The following EML5 variants were observed in gnomAD, a reference collection of about 807,000 sequenced individuals.
EML5 encodes echinoderm microtubule-associated protein-like 5.
Under a neutral mutation model 250.0 loss-of-function variants are expected in EML5, and 120 were observed. The ratio of observed to expected loss-of-function variants is 0.48; its 90% CI spans 0.41 to 0.56. EML5 has a LOEUF of 0.56. Among genes scored for constraint, EML5 ranks in the 20% least tolerant of loss-of-function variants. EML5 has a pLI of 0.00. For synonymous variants in EML5, 771 were observed against 806.5 expected, an observed-to-expected ratio of 0.96 and a Z score of 0.75; for missense variants, 2,006 against 2,437.6, an observed-to-expected ratio of 0.82 and a Z score of 3.73.
chr14:88,750,808 T>C (rs2094082137), intron 2 of EML5, among the ~76,000 whole-genome samples: 1 of 152,174 alleles, frequency 6.6e-6, no homozygotes, highest in South Asian at 2.1e-4. Context: ...TATTTACTAT[T>C]TGGGAACCAA....
rs528715332 is a variant in EML5 at position 88,620,507 on chromosome 14, G to A, written c.5375+247C>T. ...GGATGAACTTAATGGACATGGCTAA[G>A]TGTTAACATGAATTCATCAAACATT... is the stretch of plus-strand genomic sequence containing the variant. On this transcript the variant is annotated intron_variant, in intron 39 of 43. Coordinates refer to ENST00000554922, the MANE Select transcript of EML5 (RefSeq NM_183387.3). The surrounding 1 kb of genome is among the most constrained non-coding windows in gnomAD (Gnocchi z 4.3). 27 of 339,958 alleles carry A rather than the reference G, an allele frequency of 7.9e-5. No homozygotes were observed. The highest frequency in any genetic ancestry group is 1.2e-4 in the Non-Finnish European group (22 of 190,490). 21.1% of individuals were successfully genotyped at this position (339,958 alleles called of 1,614,324 possible).
At chr14:88,744,123 C>T in intron 3 of EML5, 32 bp from the exon 4 acceptor site, 1 of 1,449,818 alleles carries the variant, frequency 6.9e-7, no homozygotes, top group Non-Finnish European at 9.3e-7. Flanking sequence ...GATTAAAATA[C>T]TTATTTCCAG....
At chr14:88,725,884 G>A (rs2140075786) in intron 8 of EML5, among the ~76,000 whole-genome samples, 1 of 152,238 alleles carries the variant, frequency 6.6e-6, no homozygotes, top group East Asian at 1.9e-4. Context: ...ACTACACAGG[G>A]GAGGCAAAAG....
intron 22 of EML5, among the ~76,000 whole-genome samples, 180 bp downstream of exon 22, chr14:88,665,157 C>T (rs527414870): frequency 9.2e-5 from 14 of 152,242 alleles, no homozygotes; most frequent in Admixed American, 7.2e-4. Flanking sequence ...ACAGAATTGG[C>T]GCTAAGACAG....
In EML5 at chr14:88,613,294, AATTTAAGGC is replaced by A. The variant is rs2087108446; in HGVS notation, c.*2515_*2523del. The stretch of plus-strand genomic sequence containing the variant: ...TTCATTCTAAAGGTTTACTCCATTG[AATTTAAGGC>A]ATTTGTTCATTCCAGTGTTGAGATG... On this transcript the variant is annotated 3_prime_UTR_variant, in exon 44 of 44. Transcript: ENST00000554922. 6.6e-6 allele frequency: 1 copy of A among 152,150 alleles called. No individual in the cohort carries two copies. Among genetic ancestry groups the A allele is most frequent in the Non-Finnish European group, 1.5e-5 (1 of 68,030 alleles). The allele number at this position is 152,150 out of a possible 1,614,324, so 9.4% of individuals were successfully genotyped here. A position where few individuals can be genotyped will look rare whatever the true frequency, so the allele number is the denominator to read the frequency against.
chr14:88,700,552 G>A (rs1029794724), intron 14 of EML5, among the ~76,000 whole-genome samples: 5 of 152,050 alleles, frequency 3.3e-5, no homozygotes, highest in African/African-American at 4.8e-5. Flanking sequence ...TCTAGTCTCA[G>A]GGATTCCCAA....
chr14:88,700,968 C>T (rs1172726453), intron 14 of EML5, among the ~76,000 whole-genome samples: 3 of 151,090 alleles, frequency 2.0e-5, no homozygotes, highest in African/African-American at 4.9e-5. Flanking sequence ...TTTTTTTTGC[C>T]CTACTTTTAC....
Position 88,613,547 on chromosome 14 carries a change from T to C in EML5, c.*2271A>G, listed in dbSNP as rs548763517. 8 of 152,226 alleles carry C rather than the reference T, an allele frequency of 5.3e-5. 1 individual carries two copies. The highest frequency in any genetic ancestry group is 1.9e-4 in the African/African-American group (8 of 41,550). The allele number at this position is 152,226 out of a possible 1,614,324, so 9.4% of individuals were successfully genotyped here. On this transcript the variant is annotated 3_prime_UTR_variant, in exon 44 of 44. Coordinates refer to ENST00000554922, the MANE Select transcript of EML5 (RefSeq NM_183387.3). Reference sequence around the variant, plus strand: ...ATTTAATAGCCACTGCCCAGACACATATTTAAGAGTTTAATCTTTCAGTTG... The same window carrying C: ...ATTTAATAGCCACTGCCCAGACACACATTTAAGAGTTTAATCTTTCAGTTG...
chr14:88,723,895 T>A (rs1317371163), intron 8 of EML5, among the ~76,000 whole-genome samples: 1 of 152,162 alleles, frequency 6.6e-6, no homozygotes, highest in African/African-American at 2.4e-5. Flanking sequence ...TATATACTAA[T>A]TTAAGAATCA....
At chr14:88,657,931 T>C (rs771302758) in intron 26 of EML5, among the ~76,000 whole-genome samples, 2 of 152,172 alleles carry the variant, frequency 1.3e-5, no homozygotes, top group Non-Finnish European at 2.9e-5. Flanking sequence ...TGAGGTTTAA[T>C]AATATAAAAT....
chr14:88,783,801 G>A (rs1157165528), intron 1 of EML5, among the ~76,000 whole-genome samples: 1 of 152,110 alleles, frequency 6.6e-6, no homozygotes, highest in Non-Finnish European at 1.5e-5. Context: ...GTGCACTATA[G>A]ACCAAATGGA....
At chr14:88,650,005 CAGA>C (rs1389254333) in intron 27 of EML5, 79 bp from the exon 28 acceptor site, 5 of 1,026,184 alleles carry the variant, frequency 4.9e-6, no homozygotes, top group Non-Finnish European at 6.7e-6. Context: ...TTTTAGCAAA[CAGA>C]AGAAAGGCAA....
At position 88,695,630 on chromosome 14, in the gene EML5, G is replaced by C. The variant is rs116788573; in HGVS notation, c.2345-176C>G. Among the ~76,000 whole-genome samples the C allele has an allele frequency of 2.1e-3, 325 of 152,156 alleles. 2 individuals are homozygous for C. The highest frequency in any genetic ancestry group is 0.01 in the Middle Eastern group (3 of 294). ...AATTTATAAGGGAGGGAGAATAAAA[G>C]TTTCTCAAATCCTCTAAATGTATCT... On this transcript the variant is annotated intron_variant, in intron 15 of 43. Coordinates refer to ENST00000554922, the MANE Select transcript of EML5 (RefSeq NM_183387.3).
chr14:88,620,473 CTCTT>C lies in EML5; in HGVS notation c.5375+277_5375+280del. On this transcript the variant is annotated intron_variant, in intron 39 of 43. Coordinates refer to ENST00000554922, the MANE Select transcript of EML5 (RefSeq NM_183387.3). The surrounding 1 kb of genome is among the most constrained non-coding windows in gnomAD (Gnocchi z 4.3). ...TCTCTTGTATTACAGTGGGAGATAC[CTCTT>C]GGTGGGATGAACTTAATGGACATGG... 1 of 270,124 alleles carries C rather than the reference CTCTT, an allele frequency of 3.7e-6. No homozygotes were observed. 16.7% of individuals were successfully genotyped at this position (270,124 alleles called of 1,614,324 possible).
chr14:88,706,411 T>C lies in EML5; in HGVS notation c.1673A>G (p.Lys558Arg), dbSNP rs781550962. The change falls in exon 11 of 44, where the codon AAA (lysine) becomes AGA (arginine). Residue 558 changes from lysine to arginine, a missense_variant. Physicochemically the swap from Lys to Arg is conservative, Grantham distance 26 (BLOSUM62 2). Around this residue, in one of 7 missense-constraint regions of EML5, gnomAD observed 1,375 missense variants for 1,590.3 expected, o/e 0.86. Coordinates refer to ENST00000554922, the MANE Select transcript of EML5 (RefSeq NM_183387.3). ...TACGTGAGCTGAATGGCCAATATAT[T>C]TTCTAAACTTGGCCCCTATAATAAA... ...PCLRKGAKFR[K>R]YIGHSAHVTN... 15 of 1,556,500 alleles carry C rather than the reference T, an allele frequency of 9.6e-6. No individual in the cohort carries two copies. Among genetic ancestry groups the C allele is most frequent in the Middle Eastern group, 3.4e-4 (2 of 5,896 alleles).
At chr14:88,752,568 T>C (rs927555998) in intron 2 of EML5, among the ~76,000 whole-genome samples, 9 of 152,146 alleles carry the variant, frequency 5.9e-5, no homozygotes, top group Admixed American at 5.9e-4. Flanking sequence ...ATTAAGTCTT[T>C]ATAGATCCAT....
chr14:88,674,104 A>C (rs2092538275), intron 21 of EML5, among the ~76,000 whole-genome samples: 1 of 152,136 alleles, frequency 6.6e-6, no homozygotes, highest in Non-Finnish European at 1.5e-5. Context: ...CCTTGTCTCT[A>C]CTAAAAGTAC....
Position 88,665,389 on chromosome 14 carries a change from A to C in EML5, c.3225T>G (p.Leu1075=), listed in dbSNP as rs762622692. The C allele has an allele frequency of 1.2e-6, 2 of 1,613,790 alleles. No individual in the cohort carries two copies. The highest frequency in any genetic ancestry group is 8.5e-7 in the Non-Finnish European group (1 of 1,179,850). ...TATCTTTTCTGTGATGAAAAGACAC[A>C]AGATCCTCTAGAGTATCCGCATTTG... ...LMANADTLED[L]VSFHHRKDMI... The change falls in exon 22 of 44, where the codon CTT becomes CTG. Residue 1075 remains leucine (L), a synonymous_variant. Transcript: ENST00000554922.
At chr14:88,653,907 C>T (rs1157477901) in intron 27 of EML5, among the ~76,000 whole-genome samples, 2 of 151,854 alleles carry the variant, frequency 1.3e-5, no homozygotes, top group East Asian at 1.9e-4. Flanking sequence ...AATTCGGATG[C>T]GAATCCATCT....
Sources: gnomAD v4.1 joint callset for allele counts (sites outside exome capture counted in the v4.1 genomes callset) on GRCh38, gnomAD v4.1.1 for gene constraint, gnomAD v4.1.1 regional missense constraint, Gnocchi (gnomAD v3.1) non-coding constraint, MANE v1.5 for transcripts, NCBI Gene and HGNC (gene_info 2026-07-23, HGNC 2026-07-21) for gene names.